Variants in LRMDA observed in about 807,000 individuals in gnomAD.
The protein encoded by LRMDA is leucine-rich melanocyte differentiation-associated protein.
In LRMDA, 18 loss-of-function variants were observed where a neutral mutation model predicts 29.8. The ratio of observed to expected loss-of-function variants is 0.60; its 90% CI spans 0.42 to 0.90. LRMDA has a LOEUF of 0.90. Among genes scored for constraint, LRMDA ranks in the 40% least tolerant of loss-of-function variants. The pLI is 0.00. For synonymous variants in LRMDA, 125 were observed against 109.4 expected, an observed-to-expected ratio of 1.14 and a Z score of -0.89; for missense variants, 273 against 273.9, an observed-to-expected ratio of 1.00 and a Z score of 0.02.
chr10:76,046,746 C>T (rs145143417), intron 3 of LRMDA, among the ~76,000 whole-genome samples: 143 of 152,262 alleles, frequency 9.4e-4, no homozygotes, highest in Non-Finnish European at 1.6e-3. Context: ...GGCCTCCCAA[C>T]GTACTGGAAT....
intron 2 of LRMDA, among the ~76,000 whole-genome samples, chr10:75,919,102 A>G (rs1845984049): frequency 6.6e-6 from 1 of 152,202 alleles, no homozygotes; most frequent in Admixed American, 6.5e-5. Context: ...TTTAGACAGG[A>G]GGACCTGAGG....
chr10:75,702,586 T>C (rs1842321926), intron 2 of LRMDA, among the ~76,000 whole-genome samples: 1 of 152,112 alleles, frequency 6.6e-6, no homozygotes, highest in Non-Finnish European at 1.5e-5. Flanking sequence ...ATGGGATAGA[T>C]CATACATCAG....
At chr10:75,792,828 A>G (rs1380103072) in intron 2 of LRMDA, among the ~76,000 whole-genome samples, 1 of 152,230 alleles carries the variant, frequency 6.6e-6, no homozygotes, top group African/African-American at 2.4e-5. Context: ...ATGAGTTGAT[A>G]TATGAAAAGT....
At chr10:75,903,316 G>A (rs752852242) in intron 2 of LRMDA, among the ~76,000 whole-genome samples, 5 of 152,132 alleles carry the variant, frequency 3.3e-5, no homozygotes, top group African/African-American at 4.8e-5. Context: ...CCTGGGTGTC[G>A]GGAAGCACAT....
At chr10:75,789,748 A>G (rs1843534105) in intron 2 of LRMDA, among the ~76,000 whole-genome samples, 1 of 152,174 alleles carries the variant, frequency 6.6e-6, no homozygotes, top group South Asian at 2.1e-4. Context: ...TGAACATGCA[A>G]ATATTGATGT....
intron 5 of LRMDA, among the ~76,000 whole-genome samples, chr10:76,245,433 A>T (rs1317940803): frequency 6.6e-6 from 1 of 152,116 alleles, no homozygotes; most frequent in African/African-American, 2.4e-5. Flanking sequence ...ATTGTCTGTT[A>T]TGTTGAGGTC....
intron 2 of LRMDA, among the ~76,000 whole-genome samples, chr10:75,677,834 G>A (rs1039778941): frequency 3.9e-5 from 6 of 152,154 alleles, no homozygotes; most frequent in Non-Finnish European, 4.4e-5. Flanking sequence ...TATTCCCAGA[G>A]AAGTCATTTT....
chr10:76,079,678 G>A (rs1417047769), intron 5 of LRMDA, among the ~76,000 whole-genome samples: 4 of 152,180 alleles, frequency 2.6e-5, no homozygotes, highest in African/African-American at 7.2e-5. Context: ...AAGAAAATAA[G>A]CAAAAGTAGT....
chr10:75,846,327 G>A (rs1334926592), intron 2 of LRMDA, among the ~76,000 whole-genome samples: 1 of 151,988 alleles, frequency 6.6e-6, no homozygotes, highest in Non-Finnish European at 1.5e-5. Flanking sequence ...GACTTGTTAA[G>A]TAAAGCAAAT....
chr10:75,823,568 T>C (rs1254037680), intron 2 of LRMDA, among the ~76,000 whole-genome samples: 1 of 152,112 alleles, frequency 6.6e-6, no homozygotes, highest in Non-Finnish European at 1.5e-5. Context: ...TATGGACATT[T>C]CTCAAAGAAT....
chr10:75,772,788 A>G (rs1490606028), intron 2 of LRMDA, among the ~76,000 whole-genome samples: 1 of 141,518 alleles, frequency 7.1e-6, no homozygotes, highest in East Asian at 2.2e-4. Flanking sequence ...TATATTGGTC[A>G]TTTGCAGGAC....
intron 2 of LRMDA, among the ~76,000 whole-genome samples, chr10:75,976,061 TG>T (rs1847064167): frequency 6.6e-6 from 1 of 152,244 alleles, no homozygotes; most frequent in Admixed American, 6.5e-5. Context: ...GTCACTCTCT[TG>T]CTGAATTCCC....
chr10:76,361,744 G>GCCAGAAA (rs796804449), intron 6 of LRMDA, among the ~76,000 whole-genome samples: 2 of 152,264 alleles, frequency 1.3e-5, no homozygotes, highest in African/African-American at 4.8e-5. Context: ...AGAGATATGT[G>GCCAGAAA]CCAGAAACCT....
At chr10:75,871,757 A>G (rs1845114905) in intron 2 of LRMDA, among the ~76,000 whole-genome samples, 1 of 152,032 alleles carries the variant, frequency 6.6e-6, no homozygotes, top group African/African-American at 2.4e-5. Context: ...TTAAAATCCT[A>G]GGCTCCCTGG....
chr10:76,491,183 T>C (rs557820037), intron 6 of LRMDA, among the ~76,000 whole-genome samples: 4 of 152,126 alleles, frequency 2.6e-5, no homozygotes, highest in African/African-American at 9.6e-5. Context: ...ATCTTTCGTC[T>C]TCCTACTTAG....
At chr10:75,502,780 A>G (rs190581389) in intron 2 of LRMDA, among the ~76,000 whole-genome samples, 16 of 152,288 alleles carry the variant, frequency 1.1e-4, no homozygotes, top group Non-Finnish European at 1.9e-4. Flanking sequence ...GGTTTGGGGT[A>G]CACGTGCAGG....
intron 5 of LRMDA, among the ~76,000 whole-genome samples, chr10:76,321,773 C>A (rs1208246408): frequency 6.6e-6 from 1 of 152,000 alleles, no homozygotes; most frequent in African/African-American, 2.4e-5. Flanking sequence ...GGCAAAACCC[C>A]ATCTCTACTA....
intron 2 of LRMDA, among the ~76,000 whole-genome samples, chr10:75,483,444 G>T (rs1392215871): frequency 6.6e-6 from 1 of 152,172 alleles, no homozygotes; most frequent in Non-Finnish European, 1.5e-5. Flanking sequence ...AGAGGGAAAA[G>T]ATATCTTGTT....
chr10:76,144,696 C>T (rs1850276907), intron 5 of LRMDA, among the ~76,000 whole-genome samples: 1 of 152,118 alleles, frequency 6.6e-6, no homozygotes, highest in Non-Finnish European at 1.5e-5. Context: ...CCTTCTCCTG[C>T]CTGATTGCCC....
Sources: allele counts gnomAD v4.1 joint callset (sites outside exome capture counted in the v4.1 genomes callset), GRCh38; gene constraint gnomAD v4.1.1; transcripts MANE v1.5; gene names NCBI Gene and HGNC (gene_info 2026-07-23, HGNC 2026-07-21).